The following YJEFN3 variants were observed in gnomAD, a reference collection of about 807,000 sequenced individuals.
The protein encoded by YJEFN3 is yjeF N-terminal domain-containing protein 3.
In YJEFN3, 29 loss-of-function variants were observed where a neutral mutation model predicts 31.5. That is an observed-to-expected ratio of 0.92 (90% CI 0.69 to 1.26). The LOEUF (loss-of-function observed/expected upper bound fraction) is 1.26. Among genes scored for constraint, YJEFN3 ranks in the 50% most tolerant of loss-of-function variants. The pLI, the probability that YJEFN3 is intolerant of heterozygous loss-of-function variation, is 0.00. For synonymous variants in YJEFN3, 227 were observed against 196.1 expected (o/e 1.16, Z -1.32); for missense variants, 442 against 425.4 (o/e 1.04, Z -0.34).
At chr19:19,529,294 C>T in intron 1 of YJEFN3, 70 bp from the exon 2 acceptor site, 6 of 1,526,236 alleles carry the variant, frequency 3.9e-6, no homozygotes, top group Non-Finnish European at 4.4e-6. Flanking sequence ...ATGAATGATT[C>T]ATCAGCAGCG....
chr19:19,533,340 A>G, intron 3 of YJEFN3: 1 of 985,708 alleles, frequency 1.0e-6, no homozygotes, highest in Non-Finnish European at 1.2e-6. Context: ...CTGACGAGTC[A>G]GTCCCTAAAC....
intron 3 of YJEFN3, chr19:19,533,461 C>A: frequency 1.0e-6 from 1 of 964,734 alleles, no homozygotes; most frequent in East Asian, 1.1e-4. Flanking sequence ...CCTCCTCCTC[C>A]TGCCCCCTCC....
chr19:19,534,006 G>T lies in YJEFN3; in HGVS notation c.319-1028G>T. ...AGGGGAGTAATCTGCTGTCTGTGTG[G>T]TTGGAGCTTAAAGTACAGCTGGGGC... On this transcript the variant is annotated intron_variant, in intron 3 of 6. Transcript: ENST00000514277. The surrounding 1 kb of genome is among the most constrained non-coding windows in gnomAD (Gnocchi z 4.6). The T allele has an allele frequency of 1.0e-6, 1 of 985,622 alleles. No individual in the cohort carries two copies. Among genetic ancestry groups the T allele is most frequent in the Non-Finnish European group, 1.2e-6 (1 of 830,060 alleles). 61.1% of individuals were successfully genotyped at this position (985,622 alleles called of 1,614,324 possible).
At position 19,535,611 on chromosome 19, in the gene YJEFN3, C is replaced by A; in HGVS notation, c.626C>A (p.Pro209His). The A allele has an allele frequency of 6.3e-7, 1 of 1,586,980 alleles. No individual in the cohort carries two copies. The change falls in exon 6 of 7, where the codon CCC becomes CAC. Residue 209 changes from proline (P) to histidine (H), a missense_variant. Physicochemically the swap from Pro to His is moderately conservative, Grantham distance 77 (BLOSUM62 -2). Transcript: ENST00000514277. Reference sequence around the variant, plus strand: ...GTGGAGCCGGGCGAGGTCGGGGGCCCCTGCACCCGCGCGCTGGCCACGCTC... The same window carrying A: ...GTGGAGCCGGGCGAGGTCGGGGGCCACTGCACCCGCGCGCTGGCCACGCTC... ...PGVEPGEVGGPCTRALATLKL... is the reference protein window; with the variant it reads ...PGVEPGEVGGHCTRALATLKL...
intron 3 of YJEFN3, chr19:19,533,960 C>A (rs1040066050): frequency 1.7e-5 from 17 of 985,432 alleles, no homozygotes; most frequent in Admixed American, 6.1e-5. Context: ...CTGCGCTAAG[C>A]CTTTGGGGAG....
Position 19,535,354 on chromosome 19 carries a change from C to G in YJEFN3, c.447C>G (p.Ile149Met). ...ACCCCCAGGAGTATGAACCCACCAT[C>G]TTCTACCCCACACGCTCGCTGGACC... is the stretch of plus-strand genomic sequence containing the variant. ...HLRVFEYEPT[I>M]FYPTRSLDLL... Residue 149 changes from isoleucine (I) to methionine (M), a missense_variant, in exon 5 of 7, where the codon ATC (isoleucine) becomes ATG (methionine). Ile to Met is a conservative substitution (Grantham distance 10). Transcript: ENST00000514277. 1 of 1,613,892 alleles carries G rather than the reference C, an allele frequency of 6.2e-7. No individual in the cohort carries two copies. The highest frequency in any genetic ancestry group is 1.1e-5 in the South Asian group (1 of 91,072).
chr19:19,531,520 A>G (rs2061155497), intron 2 of YJEFN3, among the ~76,000 whole-genome samples: 1 of 151,922 alleles, frequency 6.6e-6, no homozygotes, highest in Non-Finnish European at 1.5e-5. Flanking sequence ...GATTGAAGTG[A>G]TCCTCCTGCC....
rs1012462244 is a variant in YJEFN3, at chr19:19,534,072, C to G, written c.319-962C>G. The G allele has an allele frequency of 1.3e-5, 13 of 985,476 alleles. No homozygotes were observed. The highest frequency in any genetic ancestry group is 1.6e-5 in the Non-Finnish European group (13 of 830,024). The allele number at this position is 985,476 out of a possible 1,614,324, so 61.0% of individuals were successfully genotyped here. A position where few individuals can be genotyped will look rare whatever the true frequency, so the allele number is the denominator to read the frequency against. On this transcript the variant is annotated intron_variant, in intron 3 of 6. Transcript: ENST00000514277. The surrounding 1 kb of genome is among the most constrained non-coding windows in gnomAD (Gnocchi z 4.6). Reference sequence around the variant, plus strand: ...AGTGCCTGTCAGGCGGTGGCACTGTCATCGCATTTGATAAAGGCCAAACTG... The same window carrying G: ...AGTGCCTGTCAGGCGGTGGCACTGTGATCGCATTTGATAAAGGCCAAACTG...
At position 19,529,481 on chromosome 19, in the gene YJEFN3, G is replaced by C; in HGVS notation, c.177G>C (p.Glu59Asp). ...CCTGGGGAAGGCAGTCATGGCTAGA[G>C]CAGATTTGGAACGCAGGGCCTGTTT... is the stretch of plus-strand genomic sequence containing the variant. ...KQAWGRQSWL[E>D]QIWNAGPVCQ... The change falls in exon 2 of 7, where the codon GAG becomes GAC. Residue 59 changes from glutamate to aspartate, a missense_variant. Glu to Asp is a conservative substitution (Grantham distance 45). Transcript: ENST00000514277. 6.2e-7 allele frequency: 1 copy of C among 1,614,152 alleles called. No individual in the cohort carries two copies. Among genetic ancestry groups the C allele is most frequent in the Non-Finnish European group, 8.5e-7 (1 of 1,180,018 alleles).
rs1600367497 is a variant in YJEFN3 at position 19,534,752 on chromosome 19, C to G, written c.319-282C>G. Reference sequence around the variant, plus strand: ...GGTGGAAGAATGTCTGCAACTCAGGCGGAGAATAAACAAACCGCACTCCGG... The same window carrying G: ...GGTGGAAGAATGTCTGCAACTCAGGGGGAGAATAAACAAACCGCACTCCGG... On this transcript the variant is annotated intron_variant, in intron 3 of 6. Coordinates refer to ENST00000514277, the MANE Select transcript of YJEFN3 (RefSeq NM_198537.4). This position sits in a 1 kb window ranked among gnomAD's most constrained non-coding sequence, Gnocchi z 4.6. The G allele has an allele frequency of 3.2e-6, 1 of 310,994 alleles. No individual in the cohort carries two copies. Among genetic ancestry groups the G allele is most frequent in the Non-Finnish European group, 5.9e-6 (1 of 168,996 alleles). The allele number at this position is 310,994 out of a possible 1,614,324, so 19.3% of individuals were successfully genotyped here. A position where few individuals can be genotyped will look rare whatever the true frequency, so the allele number is the denominator to read the frequency against.
At chr19:19,536,476 T>C (rs1471221962) in intron 6 of YJEFN3, among the ~76,000 whole-genome samples, 2 of 150,782 alleles carry the variant, frequency 1.3e-5, no homozygotes, top group Non-Finnish European at 3.0e-5. Context: ...ATGTCAGGAG[T>C]TCCAGACCAG....
intron 2 of YJEFN3, 141 bp downstream of exon 2, chr19:19,529,654 C>G: frequency 8.6e-7 from 1 of 1,162,420 alleles, no homozygotes; most frequent in Non-Finnish European, 1.2e-6. Context: ...TGCCCACTGC[C>G]CACCTAGCAG....
rs2061221193 is a variant in YJEFN3, at chr19:19,537,398, C to T, written c.774C>T (p.Arg258=). The part of the protein sequence containing the change: ...DVLVSLAAPK[R]CAGRFSGRHH... Reference sequence around the variant, plus strand: ...TGGTGTCTCTCGCGGCGCCCAAGCGCTGCGCTGGCCGCTTCTCCGGGCGCC... The same window carrying T: ...TGGTGTCTCTCGCGGCGCCCAAGCGTTGCGCTGGCCGCTTCTCCGGGCGCC... The change falls in exon 7 of 7, where the codon CGC becomes CGT. Residue 258 remains arginine (R), a synonymous_variant. Transcript: ENST00000514277. 5.7e-6 allele frequency: 9 copies of T among 1,590,644 alleles called. No homozygotes were observed. Among genetic ancestry groups the T allele is most frequent in the Non-Finnish European group, 6.8e-6 (8 of 1,174,930 alleles).
chr19:19,535,767 T>G, intron 6 of YJEFN3, 88 bp downstream of exon 6: 1 of 1,478,264 alleles, frequency 6.8e-7, no homozygotes, highest in Non-Finnish European at 9.1e-7. Flanking sequence ...CCTGCCTGTC[T>G]GAACCTCAAT....
rs1186858296 is a variant in YJEFN3, at chr19:19,534,290, C to T, written c.319-744C>T. Reference sequence around the variant, plus strand: ...ATGGAGAAAGAGAGCCAGAGACATACAGAAAGACAGAGACACTAGAGTCTG... The same window carrying T: ...ATGGAGAAAGAGAGCCAGAGACATATAGAAAGACAGAGACACTAGAGTCTG... On this transcript the variant is annotated intron_variant, in intron 3 of 6. Coordinates refer to ENST00000514277, the MANE Select transcript of YJEFN3 (RefSeq NM_198537.4). The surrounding 1 kb of genome is among the most constrained non-coding windows in gnomAD (Gnocchi z 4.6). 5 of 513,332 alleles carry T rather than the reference C, an allele frequency of 9.7e-6. No individual in the cohort carries two copies. In the African/African-American group the frequency reaches 1.0e-4, roughly 11 times the overall value. The allele number at this position is 513,332 out of a possible 1,614,324, so 31.8% of individuals were successfully genotyped here.
At chr19:19,532,996 A>T in intron 3 of YJEFN3, 1 of 1,265,990 alleles carries the variant, frequency 7.9e-7, no homozygotes, top group Non-Finnish European at 1.0e-6. Context: ...TGGAAGTGCA[A>T]CCCCTCCTGC....
At chr19:19,535,813 C>T (rs1237935342) in intron 6 of YJEFN3, 134 bp downstream of exon 6, 1 of 1,187,712 alleles carries the variant, frequency 8.4e-7, no homozygotes, top group East Asian at 2.5e-5. Context: ...TTGGCTGAGG[C>T]TAAGGGTCAC....
At chr19:19,530,759 G>A (rs938758963) in intron 2 of YJEFN3, among the ~76,000 whole-genome samples, 2 of 152,158 alleles carry the variant, frequency 1.3e-5, no homozygotes, top group Admixed American at 6.5e-5. Context: ...TCCTCACCCC[G>A]TCCTTCAACT....
At position 19,532,846 on chromosome 19, in the gene YJEFN3, T is replaced by A. The variant is rs529122126; in HGVS notation, c.318+106T>A. The A allele has an allele frequency of 2.6e-6, 3 of 1,134,274 alleles. No homozygotes were observed. In the East Asian group the frequency reaches 8.5e-5, roughly 32 times the overall value. The allele number at this position is 1,134,274 out of a possible 1,614,324, so 70.3% of individuals were successfully genotyped here. On this transcript the variant is annotated intron_variant, in intron 3 of 6. Transcript: ENST00000514277. ...GGTTCACCCCTCAAGAACTCCCTTT[T>A]TGCTTGGGCCTACCCCAGCCTGATG...
Sources: allele counts gnomAD v4.1 joint callset (sites outside exome capture counted in the v4.1 genomes callset), GRCh38; gene constraint gnomAD v4.1.1; non-coding constraint Gnocchi (gnomAD v3.1); transcripts MANE v1.5; gene names NCBI Gene and HGNC (gene_info 2026-07-23, HGNC 2026-07-21).